The following MAN1A2 variants were observed in gnomAD, a reference collection of about 807,000 sequenced individuals.
The protein encoded by MAN1A2 is mannosidase alpha class 1A member 2, also known as mannosyl-oligosaccharide 1,2-alpha-mannosidase IB.
A neutral mutation model predicts 75.7 loss-of-function variants in MAN1A2; 26 were observed. The ratio of observed to expected loss-of-function variants is 0.34; its 90% CI spans 0.25 to 0.48. MAN1A2 has a LOEUF of 0.48. Among genes scored for constraint, MAN1A2 ranks in the 20% least tolerant of loss-of-function variants. MAN1A2 has a pLI of 0.99. For synonymous variants in MAN1A2, 247 were observed against 264.6 expected (o/e 0.93, Z 0.65); for missense variants, 562 against 775.5 (o/e 0.72, Z 3.27).
rs188382970 is a variant in MAN1A2 at position 117,502,474 on chromosome 1, G to T, written c.1678-381G>T. Among the ~76,000 whole-genome samples, 10 of 151,784 alleles carry T rather than the reference G, an allele frequency of 6.6e-5. No individual in the cohort carries two copies. In the East Asian group the frequency reaches 1.9e-3, roughly 30 times the overall value. On this transcript the variant is annotated intron_variant, in intron 11 of 12. Transcript: ENST00000356554. ...TGGGTTATTGTTTGTCCTTGGAAGT[G>T]ATAAAATTGCATTAAAAATTGTTAA...
chr1:117,398,251 GTCTAA>G (rs1237671980), intron 1 of MAN1A2, among the ~76,000 whole-genome samples: 1 of 152,148 alleles, frequency 6.6e-6, no homozygotes, highest in East Asian at 1.9e-4. Context: ...AGGGAGATTT[GTCTAA>G]TCTAGGAGAA....
intron 5 of MAN1A2, among the ~76,000 whole-genome samples, chr1:117,421,743 A>C (rs1648207855): frequency 1.3e-5 from 2 of 152,000 alleles, no homozygotes; most frequent in African/African-American, 4.8e-5. Flanking sequence ...TATACCTCTA[A>C]CATATATTTC....
Position 117,512,750 on chromosome 1 carries a change from T to TACACACACACACACACACAC in MAN1A2, c.1793+9795_1793+9814dup, listed in dbSNP as rs3050979. On this transcript the variant is annotated intron_variant, in intron 12 of 12. Transcript: ENST00000356554. Reference sequence around the variant, plus strand: ...GCAATCTAAATATTAGGCACTGGGATACACACACACACACACACACACACA... The same window carrying TACACACACACACACACACAC: ...GCAATCTAAATATTAGGCACTGGGATACACACACACACACACACACACACACACACACACACACACACACA... Among the ~76,000 whole-genome samples, 1,186 of 143,816 alleles carry TACACACACACACACACACAC rather than the reference T, an allele frequency of 8.2e-3. 25 individuals carry two copies. The highest frequency in any genetic ancestry group is 0.03 in the Admixed American group (418 of 14,166). The allele number at this position is 143,816 out of a possible 152,430, so 94.3% of individuals were successfully genotyped here.
intron 12 of MAN1A2, among the ~76,000 whole-genome samples, chr1:117,508,551 A>T (rs1005733474): frequency 6.6e-6 from 1 of 151,634 alleles, no homozygotes; most frequent in East Asian, 1.9e-4. Context: ...ATACTTATAT[A>T]CTTAAGAATA....
intron 5 of MAN1A2, among the ~76,000 whole-genome samples, chr1:117,429,428 G>A (rs1385915399): frequency 2.3e-5 from 3 of 130,226 alleles, no homozygotes; most frequent in Admixed American, 1.5e-4. Flanking sequence ...GGCCGGGCAG[G>A]GGGGCTGACC....
chr1:117,379,880 A>C (rs1011238894), intron 1 of MAN1A2, among the ~76,000 whole-genome samples: 2 of 152,152 alleles, frequency 1.3e-5, no homozygotes, highest in Non-Finnish European at 2.9e-5. Flanking sequence ...TTGTTTATAC[A>C]TTAATCTGCT....
At chr1:117,381,698 C>T (rs565095055) in intron 1 of MAN1A2, among the ~76,000 whole-genome samples, 3 of 152,006 alleles carry the variant, frequency 2.0e-5, no homozygotes, top group South Asian at 4.1e-4. Context: ...TGGGTATATA[C>T]CCAGTAATGG....
intron 5 of MAN1A2, among the ~76,000 whole-genome samples, chr1:117,436,649 G>T (rs1648859802): frequency 6.6e-6 from 1 of 152,170 alleles, no homozygotes; most frequent in Admixed American, 6.5e-5. Flanking sequence ...TGGATAAACA[G>T]GCTTACTTTC....
intron 6 of MAN1A2, among the ~76,000 whole-genome samples, chr1:117,450,962 G>T (rs1649394802): frequency 6.6e-6 from 1 of 152,186 alleles, no homozygotes; most frequent in African/African-American, 2.4e-5. Flanking sequence ...AGTACCTGCT[G>T]GGGCACCACC....
chr1:117,388,055 G>A (rs1653597317), intron 1 of MAN1A2, among the ~76,000 whole-genome samples: 2 of 151,012 alleles, frequency 1.3e-5, no homozygotes, highest in East Asian at 1.9e-4. Context: ...AATTTTGGGG[G>A]GACACAAACA....
intron 6 of MAN1A2, among the ~76,000 whole-genome samples, chr1:117,454,951 A>G (rs1649533182): frequency 6.6e-6 from 1 of 152,174 alleles, no homozygotes; most frequent in Non-Finnish European, 1.5e-5. Flanking sequence ...AGAAAATGGA[A>G]TACTAAAAAC....
chr1:117,374,647 C>T (rs967933601), intron 1 of MAN1A2, among the ~76,000 whole-genome samples: 4 of 152,178 alleles, frequency 2.6e-5, no homozygotes, highest in Non-Finnish European at 5.9e-5. Flanking sequence ...GCTTTAGTTT[C>T]ACCATTGTCC....
At position 117,524,928 on chromosome 1, in the gene MAN1A2, C is replaced by G. The variant is rs139643527; in HGVS notation, c.*1971C>G. Reference sequence around the variant, plus strand: ...GGTTCTAAAAAATGTTAGCCTTCCTCGTAAAAGTAGCACAAGCCCACTTAT... The same window carrying G: ...GGTTCTAAAAAATGTTAGCCTTCCTGGTAAAAGTAGCACAAGCCCACTTAT... On this transcript the variant is annotated 3_prime_UTR_variant, in exon 13 of 13. Coordinates refer to ENST00000356554, the MANE Select transcript of MAN1A2 (RefSeq NM_006699.5). 16 of 319,852 alleles carry G rather than the reference C, an allele frequency of 5.0e-5. No individual in the cohort carries two copies. The highest frequency in any genetic ancestry group is 9.5e-5 in the Non-Finnish European group (15 of 157,920). 19.8% of individuals were successfully genotyped at this position (319,852 alleles called of 1,614,324 possible).
chr1:117,493,849 G>A (rs1191846422), intron 9 of MAN1A2: 1 of 151,990 alleles, frequency 6.6e-6, no homozygotes, highest in Non-Finnish European at 1.5e-5. Flanking sequence ...TTTACTTTTA[G>A]TTAATGTTTA....
chr1:117,427,066 C>G (rs554958029), intron 5 of MAN1A2, among the ~76,000 whole-genome samples: 1 of 152,014 alleles, frequency 6.6e-6, no homozygotes, highest in Non-Finnish European at 1.5e-5. Flanking sequence ...GAAGATATAA[C>G]AGAATCAGCT....
intron 8 of MAN1A2, among the ~76,000 whole-genome samples, chr1:117,483,051 G>A (rs1650549398): frequency 6.6e-6 from 1 of 152,080 alleles, no homozygotes; most frequent in African/African-American, 2.4e-5. Context: ...GATGGTTGTA[G>A]ATGTGTGGTG....
intron 5 of MAN1A2, among the ~76,000 whole-genome samples, chr1:117,423,089 A>G (rs1375460627): frequency 6.6e-6 from 1 of 152,150 alleles, no homozygotes; most frequent in South Asian, 2.1e-4. Flanking sequence ...TAAATCCTAT[A>G]TATGCTGTGA....
At chr1:117,469,639 A>G (rs1399125909) in intron 8 of MAN1A2, among the ~76,000 whole-genome samples, 2 of 152,134 alleles carry the variant, frequency 1.3e-5, no homozygotes, top group African/African-American at 4.8e-5. Flanking sequence ...CTACAACTCA[A>G]CAACAGAAGG....
chr1:117,499,787 A>G (rs1037165007), intron 11 of MAN1A2, among the ~76,000 whole-genome samples: 15 of 149,466 alleles, frequency 1.0e-4, no homozygotes, highest in African/African-American at 3.7e-4. Context: ...ATATATTTCA[A>G]AGGAGGAATT....
Sources: allele counts gnomAD v4.1 joint callset (sites outside exome capture counted in the v4.1 genomes callset), GRCh38; gene constraint gnomAD v4.1.1; transcripts MANE v1.5; gene names NCBI Gene and HGNC (gene_info 2026-07-23, HGNC 2026-07-21).